Variants in SYNRG observed in about 807,000 individuals in gnomAD.
The protein encoded by SYNRG is AP1 gamma subunit binding protein 1.
In SYNRG, 37 loss-of-function variants were observed where a neutral mutation model predicts 130.9. That is an observed-to-expected ratio of 0.28 (90% CI 0.22 to 0.37). The LOEUF (loss-of-function observed/expected upper bound fraction) is 0.37. SYNRG is among the 10% of genes least tolerant of loss of function. SYNRG has a pLI of 1.00. For synonymous variants in SYNRG, 539 were observed against 568.1 expected (o/e 0.95, Z 0.73); for missense variants, 1,338 against 1,588.9 (o/e 0.84, Z 2.68).
intron 2 of SYNRG, among the ~76,000 whole-genome samples, chr17:37,598,973 T>C (rs564310891): frequency 6.6e-6 from 1 of 152,310 alleles, no homozygotes; most frequent in East Asian, 1.9e-4. Flanking sequence ...GTGAACACGA[T>C]GAAAAGAATA....
At chr17:37,597,100 T>C (rs2062844050) in intron 2 of SYNRG, among the ~76,000 whole-genome samples, 3 of 152,196 alleles carry the variant, frequency 2.0e-5, no homozygotes, top group African/African-American at 7.2e-5. Flanking sequence ...GATCACTTGC[T>C]CTGGAGCAAG....
At chr17:37,557,821 G>A (rs1485927315) in intron 13 of SYNRG, among the ~76,000 whole-genome samples, 1 of 152,000 alleles carries the variant, frequency 6.6e-6, no homozygotes, top group Non-Finnish European at 1.5e-5. Flanking sequence ...ACTCCAGGCT[G>A]GATGACAGAG....
intron 19 of SYNRG, among the ~76,000 whole-genome samples, chr17:37,533,929 T>TC (rs1442956335): frequency 9.2e-4 from 102 of 111,302 alleles, no homozygotes; most frequent in African/African-American, 3.6e-3. Flanking sequence ...TTCTTTTCTT[T>TC]TTTTTTTTTT....
chr17:37,607,397 T>C (rs1237895633), intron 1 of SYNRG, among the ~76,000 whole-genome samples: 2 of 152,210 alleles, frequency 1.3e-5, no homozygotes, highest in Non-Finnish European at 2.9e-5. Flanking sequence ...TTCTTCTAAG[T>C]TTACATTTTC....
chr17:37,525,997 G>A (rs1015955664), intron 19 of SYNRG, among the ~76,000 whole-genome samples: 4 of 152,174 alleles, frequency 2.6e-5, no homozygotes, highest in Non-Finnish European at 5.9e-5. Flanking sequence ...GCCGGACGTG[G>A]TGGCGGGTGC....
rs1391123661 is a variant in SYNRG, at chr17:37,542,086, C to T, written c.3088G>A (p.Glu1030Lys). The T allele has an allele frequency of 2.5e-6, 4 of 1,614,196 alleles. No individual in the cohort carries two copies. The highest frequency in any genetic ancestry group is 1.7e-5 in the Admixed American group (1 of 60,026). Reference sequence around the variant, plus strand: ...TCAAATTTGCTGATTTTGGGCTTTTCACTTTGAAACTCTCCAAAGTCATCC... The same window carrying T: ...TCAAATTTGCTGATTTTGGGCTTTTTACTTTGAAACTCTCCAAAGTCATCC... ...CSDDFGEFQS[E>K]KPKISKFDFL... Residue 1030 changes from glutamate to lysine, a missense_variant, in exon 15 of 22, where the codon GAA becomes AAA. By Grantham distance (56) the Glu-to-Lys change is moderately conservative. This residue lies in a region of SYNRG where 1,146 missense variants were observed against 1,342.3 expected (regional missense o/e 0.85). Coordinates refer to ENST00000612223, the MANE Select transcript of SYNRG (RefSeq NM_007247.6).
intron 10 of SYNRG, among the ~76,000 whole-genome samples, chr17:37,570,400 T>C (rs1168449281): frequency 6.6e-6 from 1 of 152,210 alleles, no homozygotes; most frequent in African/African-American, 2.4e-5. Flanking sequence ...TTAGTCACTT[T>C]TACCCTACTT....
chr17:37,604,564 T>G (rs547545787), intron 1 of SYNRG, among the ~76,000 whole-genome samples: 1 of 152,336 alleles, frequency 6.6e-6, no homozygotes, highest in East Asian at 1.9e-4. Flanking sequence ...TCACCCTTTT[T>G]CAATATCAGC....
intron 1 of SYNRG, among the ~76,000 whole-genome samples, chr17:37,601,965 G>A (rs927677029): frequency 1.3e-5 from 2 of 151,866 alleles, no homozygotes; most frequent in Admixed American, 1.3e-4. Flanking sequence ...ACTTGGCCTA[G>A]GCTCTTTTGA....
intron 8 of SYNRG, among the ~76,000 whole-genome samples, chr17:37,573,104 A>G (rs976239581): frequency 3.9e-5 from 6 of 152,150 alleles, no homozygotes; most frequent in Admixed American, 2.6e-4. Flanking sequence ...TGGGCTCTCC[A>G]TAAGAACACA....
chr17:37,608,817 C>G (rs545722298), intron 1 of SYNRG, among the ~76,000 whole-genome samples: 2 of 152,100 alleles, frequency 1.3e-5, no homozygotes, highest in Admixed American at 6.6e-5. Flanking sequence ...GACAAATAGT[C>G]CACACACACA....
In SYNRG at chr17:37,545,219, C is replaced by CAAA. The variant is rs980118326; in HGVS notation, c.2609-2657_2609-2655dup. On this transcript the variant is annotated intron_variant, in intron 14 of 21. Transcript: ENST00000612223. ...GGGCAACAAGAGCGAAACTCCGTCT[C>CAAA]AAAAAAAAAAAATAATAATAATAAT... Among the ~76,000 whole-genome samples, 6 of 141,108 alleles carry CAAA rather than the reference C, an allele frequency of 4.3e-5. 1 individual carries two copies. In the South Asian group the frequency reaches 9.0e-4, roughly 21 times the overall value. 92.6% of individuals were successfully genotyped at this position (141,108 alleles called of 152,430 possible).
In SYNRG at chr17:37,524,623, TCTGG is replaced by T. The variant is rs556973434; in HGVS notation, c.3667-3979_3667-3976del. ...TCTTTTGTAGTGCAACTGTGGTCAC[TCTGG>T]TCAAATGTGGAAGACGCTGGTGCTA... On this transcript the variant is annotated intron_variant, in intron 19 of 21. Coordinates refer to ENST00000612223, the MANE Select transcript of SYNRG (RefSeq NM_007247.6). 6.4e-3 allele frequency among the ~76,000 whole-genome samples: 982 copies of T among 152,358 alleles called. 14 individuals carry two copies. Among genetic ancestry groups the T allele is most frequent in the African/African-American group, 0.023 (938 of 41,584 alleles).
In SYNRG at chr17:37,553,769, C is replaced by A. The variant is rs976625062; in HGVS notation, c.1954G>T (p.Ala652Ser). The A allele has an allele frequency of 6.2e-7, 1 of 1,612,404 alleles. No individual in the cohort carries two copies. The highest frequency in any genetic ancestry group is 8.5e-7 in the Non-Finnish European group (1 of 1,179,676). The change falls in exon 14 of 22, where the codon GCT becomes TCT. Residue 652 changes from alanine to serine, a missense_variant. Coordinates refer to ENST00000612223, the MANE Select transcript of SYNRG (RefSeq NM_007247.6). ...GCTGCCAATGCTGTCATAGTAGCAGCAGAACCTGTTGACTGTGGTGTAGAA... is the reference window on the plus strand; with the variant it reads ...GCTGCCAATGCTGTCATAGTAGCAGAAGAACCTGTTGACTGTGGTGTAGAA... ...SVSTPQSTGS[A>S]ATMTALAATK...
chr17:37,598,557 A>G (rs1390029695), intron 2 of SYNRG, among the ~76,000 whole-genome samples: 1 of 152,236 alleles, frequency 6.6e-6, no homozygotes, highest in East Asian at 1.9e-4. Flanking sequence ...GTACACAGTA[A>G]AAAATAGGTC....
intron 3 of SYNRG, among the ~76,000 whole-genome samples, chr17:37,595,023 T>C (rs2062631660): frequency 1.3e-5 from 2 of 152,222 alleles, no homozygotes; most frequent in Non-Finnish European, 2.9e-5. Flanking sequence ...CATAAGGATA[T>C]GTATCACGAG....
At chr17:37,600,468 C>T in intron 1 of SYNRG, 65 bp from the exon 2 acceptor site, 1 of 1,510,746 alleles carries the variant, frequency 6.6e-7, no homozygotes, top group Middle Eastern at 1.7e-4. Context: ...AACACGTGTA[C>T]TTTTTTATAT....
At chr17:37,577,675 T>A in intron 6 of SYNRG, 62 bp from the exon 7 acceptor site, 17 of 1,075,102 alleles carry the variant, frequency 1.6e-5, no homozygotes, top group Non-Finnish European at 2.1e-5. Flanking sequence ...TTTTTAACCA[T>A]CCATCTCCAC....
At chr17:37,590,733 C>A (rs141655515) in intron 3 of SYNRG, among the ~76,000 whole-genome samples, 250 of 152,116 alleles carry the variant, frequency 1.6e-3, no homozygotes, top group Non-Finnish European at 3.0e-3. Flanking sequence ...CCAGCCTGGC[C>A]GACATGGTGA....
Sources: gnomAD v4.1 joint callset for allele counts (sites outside exome capture counted in the v4.1 genomes callset) on GRCh38, gnomAD v4.1.1 for gene constraint, gnomAD v4.1.1 regional missense constraint, MANE v1.5 for transcripts, NCBI Gene and HGNC (gene_info 2026-07-23, HGNC 2026-07-21) for gene names.